SLC25A24: variants seen among roughly 807,000 people sequenced by gnomAD.
The protein encoded by SLC25A24 is solute carrier family 25 member 24.
In SLC25A24, 49 loss-of-function variants were observed where a neutral mutation model predicts 60.7. The observed-to-expected ratio is 0.81, with a 90% confidence interval of 0.64 to 1.02. The LOEUF is 1.02. Ranked by LOEUF, SLC25A24 falls within the 50% of genes least tolerant of loss-of-function variation. The probability of loss-of-function intolerance (pLI) is 0.00; values close to 1 mark genes in which losing one functional copy is unlikely to be tolerated. For missense variants in SLC25A24, 564 were observed against 586.3 expected (o/e 0.96, Z 0.39); for synonymous variants, 202 against 200.6 (o/e 1.01, Z -0.06).
chr1:108,164,002 GTGT>G (rs1422362060), intron 3 of SLC25A24, among the ~76,000 whole-genome samples: 2 of 152,202 alleles, frequency 1.3e-5, no homozygotes, highest in African/African-American at 2.4e-5. Context: ...TTAGCATGAA[GTGT>G]TGTTGAATTT....
At position 108,161,228 on chromosome 1, in the gene SLC25A24, G is replaced by C; in HGVS notation, c.464C>G (p.Pro155Arg). 1 of 1,601,334 alleles carries C rather than the reference G, an allele frequency of 6.2e-7. No individual in the cohort carries two copies. Among genetic ancestry groups the C allele is most frequent in the Non-Finnish European group, 8.6e-7 (1 of 1,168,976 alleles). Residue 155 changes from proline (P) to arginine (R), a missense_variant, in exon 4 of 10, where the codon CCT (proline) becomes CGT (arginine). Pro to Arg is a moderately radical substitution (Grantham distance 103). Coordinates refer to ENST00000565488, the MANE Select transcript of SLC25A24 (RefSeq NM_013386.5). Reference sequence around the variant, plus strand: ...GATAATTTCCTCAATGTCTGTAACAGGATTAAATAAGAAGTAGTCTCTCCA... The same window carrying C: ...GATAATTTCCTCAATGTCTGTAACACGATTAAATAAGAAGTAGTCTCTCCA... ...NEWRDYFLFN[P>R]VTDIEEIIRF...
intron 3 of SLC25A24, among the ~76,000 whole-genome samples, chr1:108,169,604 A>T (rs189013527): frequency 6.6e-6 from 1 of 152,274 alleles, no homozygotes; most frequent in Admixed American, 6.5e-5. Context: ...TGTTATAATG[A>T]TCTCCTAGAA....
chr1:108,170,371 T>C (rs1647418477), intron 3 of SLC25A24, among the ~76,000 whole-genome samples: 1 of 152,156 alleles, frequency 6.6e-6, no homozygotes, highest in South Asian at 2.1e-4. Context: ...AACCTGGCTT[T>C]ATGGCCTACT....
intron 1 of SLC25A24, among the ~76,000 whole-genome samples, chr1:108,186,914 C>G (rs1336923556): frequency 6.6e-6 from 1 of 151,888 alleles, no homozygotes; most frequent in Non-Finnish European, 1.5e-5. Flanking sequence ...CCCATCTCTA[C>G]TAAAAATACA....
chr1:108,186,123 C>T (rs1648118823), intron 1 of SLC25A24, among the ~76,000 whole-genome samples, 169 bp from the exon 2 acceptor site: 2 of 152,134 alleles, frequency 1.3e-5, no homozygotes, highest in African/African-American at 4.8e-5. Flanking sequence ...AAAGTAATTC[C>T]ACTACTGCAA....
intron 3 of SLC25A24, among the ~76,000 whole-genome samples, chr1:108,170,191 G>A (rs957753381): frequency 1.3e-5 from 2 of 152,072 alleles, no homozygotes; most frequent in African/African-American, 2.4e-5. Context: ...TCAAGTCAAC[G>A]TGTCCTTGAA....
Position 108,147,522 on chromosome 1 carries a change from T to G in SLC25A24, c.930+757A>C, listed in dbSNP as rs527394877. Among the ~76,000 whole-genome samples, 3 of 152,328 alleles carry G rather than the reference T, an allele frequency of 2.0e-5. No homozygotes were observed. In the East Asian group the frequency reaches 5.8e-4, roughly 29 times the overall value. On this transcript the variant is annotated intron_variant, in intron 7 of 9. Transcript: ENST00000565488. Reference sequence around the variant, plus strand: ...GATCTTAGGGTGTCGATTTTAGATCTTTCTCACTTTTTCCTGTGTTGCCCA... The same window carrying G: ...GATCTTAGGGTGTCGATTTTAGATCGTTCTCACTTTTTCCTGTGTTGCCCA...
intron 5 of SLC25A24, among the ~76,000 whole-genome samples, chr1:108,155,950 AACACACAC>A (rs58815373): frequency 6.0e-5 from 9 of 149,226 alleles, no homozygotes; most frequent in African/African-American, 1.2e-4. Context: ...ACTACCACTA[AACACACAC>A]ACACACACAC....
At chr1:108,143,422 A>G (rs945236698) in intron 8 of SLC25A24, 121 bp downstream of exon 8, 32 of 795,158 alleles carry the variant, frequency 4.0e-5, no homozygotes, top group Middle Eastern at 3.8e-4. Context: ...CAAATAACAC[A>G]TGCTTGAATT....
intron 8 of SLC25A24, among the ~76,000 whole-genome samples, chr1:108,139,794 T>G (rs1043283232): frequency 6.6e-6 from 1 of 152,082 alleles, no homozygotes; most frequent in Non-Finnish European, 1.5e-5. Flanking sequence ...GTACTGTTAG[T>G]AGAGACAGGG....
At position 108,200,207 on chromosome 1, in the gene SLC25A24, G is replaced by C; in HGVS notation, c.-69C>G. 1 of 1,419,046 alleles carries C rather than the reference G, an allele frequency of 7.0e-7. No homozygotes were observed. Among genetic ancestry groups the C allele is most frequent in the Non-Finnish European group, 9.3e-7 (1 of 1,080,204 alleles). The allele number at this position is 1,419,046 out of a possible 1,614,324, so 87.9% of individuals were successfully genotyped here. ...ATCGAGGGCTGCGGGGCGAGACCGG[G>C]ACCAGCGCGAGGCCGGGCTGGGCGG... On this transcript the variant is annotated 5_prime_UTR_variant, in exon 1 of 10. Coordinates refer to ENST00000565488, the MANE Select transcript of SLC25A24 (RefSeq NM_013386.5).
intron 8 of SLC25A24, among the ~76,000 whole-genome samples, chr1:108,139,794 T>C (rs1043283232): frequency 4.6e-5 from 7 of 152,082 alleles, no homozygotes; most frequent in Non-Finnish European, 1.0e-4. Flanking sequence ...GTACTGTTAG[T>C]AGAGACAGGG....
intron 3 of SLC25A24, among the ~76,000 whole-genome samples, chr1:108,178,231 A>T (rs1182902930): frequency 1.3e-5 from 2 of 152,188 alleles, no homozygotes; most frequent in African/African-American, 4.8e-5. Context: ...GAAAGGAGAG[A>T]GAGACTGCAA....
At chr1:108,159,541 T>C (rs956121265) in intron 4 of SLC25A24, among the ~76,000 whole-genome samples, 92 of 142,654 alleles carry the variant, frequency 6.4e-4, no homozygotes, top group African/African-American at 2.3e-3. Context: ...CACAGGACAA[T>C]AGTGGAGGGA....
At chr1:108,145,946 A>T (rs761666992) in intron 7 of SLC25A24, among the ~76,000 whole-genome samples, 6 of 152,162 alleles carry the variant, frequency 3.9e-5, no homozygotes, top group Non-Finnish European at 7.3e-5. Context: ...AAGAAATTCA[A>T]TGTTAGCTTG....
chr1:108,190,279 A>T (rs2101645790), intron 1 of SLC25A24, among the ~76,000 whole-genome samples: 1 of 152,290 alleles, frequency 6.6e-6, no homozygotes, highest in East Asian at 1.9e-4. Context: ...TTTGATTAGT[A>T]GGTGGTGCAT....
chr1:108,136,878 G>A (rs763003506), intron 9 of SLC25A24, 41 bp from the exon 10 acceptor site: 2 of 1,535,806 alleles, frequency 1.3e-6, no homozygotes, highest in Non-Finnish European at 1.8e-6. Flanking sequence ...ATTCAAGTAT[G>A]TTTCATTATT....
intron 2 of SLC25A24, among the ~76,000 whole-genome samples, chr1:108,185,427 A>T (rs1648086298): frequency 6.6e-6 from 1 of 152,226 alleles, no homozygotes; most frequent in Non-Finnish European, 1.5e-5. Flanking sequence ...AAAGTTTTTT[A>T]AATTTTAGAT....
intron 6 of SLC25A24, among the ~76,000 whole-genome samples, chr1:108,150,497 C>T (rs1679727562): frequency 6.6e-6 from 1 of 152,178 alleles, no homozygotes; most frequent in African/African-American, 2.4e-5. Flanking sequence ...ATTTGTTAGA[C>T]TAACCATTTT....
Sources: allele counts gnomAD v4.1 joint callset (sites outside exome capture counted in the v4.1 genomes callset), GRCh38; gene constraint gnomAD v4.1.1; transcripts MANE v1.5; gene names NCBI Gene and HGNC (gene_info 2026-07-23, HGNC 2026-07-21).